SLC35F4: variants seen among roughly 807,000 people sequenced by gnomAD.
SLC35F4 encodes the protein chromosome 14 open reading frame 36.
A neutral mutation model predicts 44.2 loss-of-function variants in SLC35F4; 24 were observed. The ratio of observed to expected loss-of-function variants is 0.54; its 90% CI spans 0.39 to 0.76. The LOEUF is 0.76. Among genes scored for constraint, SLC35F4 ranks in the 30% least tolerant of loss-of-function variants. The pLI is 0.00. For synonymous variants in SLC35F4, 238 were observed against 223.6 expected (o/e 1.06, Z -0.57); for missense variants, 562 against 586.1 (o/e 0.96, Z 0.42).
chr14:57,886,533 T>C lies in SLC35F4; in HGVS notation n.282+95380A>G, dbSNP rs7492327. Among the ~76,000 whole-genome samples the C allele has an allele frequency of 6.2e-3, 942 of 152,326 alleles. 47 individuals carry two copies. Among genetic ancestry groups the C allele is most frequent in the Admixed American group, 0.057 (865 of 15,286 alleles). ...AAAATCATATCCCTATTCTTCTAAATAGCAGGAAAGGCATAGAAAGAAAGA... is the reference window on the plus strand; with the variant it reads ...AAAATCATATCCCTATTCTTCTAAACAGCAGGAAAGGCATAGAAAGAAAGA... On this transcript the variant is annotated intron_variant and non_coding_transcript_variant, in intron 1 of 1. Transcript: ENST00000556568.
intron 1 of SLC35F4, among the ~76,000 whole-genome samples, chr14:57,741,538 G>GA (rs2076608711): frequency 1.3e-5 from 2 of 151,948 alleles, no homozygotes; most frequent in South Asian, 4.2e-4. Flanking sequence ...GAAGTTTAGA[G>GA]AAAAAAGAGT....
At chr14:57,591,666 G>A (rs966354307) in intron 2 of SLC35F4, among the ~76,000 whole-genome samples, 1 of 152,194 alleles carries the variant, frequency 6.6e-6, no homozygotes, top group Non-Finnish European at 1.5e-5. Context: ...ACATGGCTGG[G>A]CCTTCAGCCC....
chr14:57,880,650 A>AAATAAAAC (rs4035381), intron 1 of SLC35F4, among the ~76,000 whole-genome samples: 26,349 of 152,038 alleles, frequency 0.17, 2,528 homozygotes, highest in East Asian at 0.4. Flanking sequence ...TTTCTACATT[A>AAATAAAAC]AATAAAACAT....
chr14:57,922,729 G>A (rs1034932706), intron 1 of SLC35F4, among the ~76,000 whole-genome samples: 2 of 152,094 alleles, frequency 1.3e-5, no homozygotes, highest in East Asian at 3.9e-4. Context: ...CTGGGCAACC[G>A]AGATCTTGAC....
intron 1 of SLC35F4, among the ~76,000 whole-genome samples, chr14:57,594,927 G>A (rs1353536138): frequency 6.6e-6 from 1 of 152,182 alleles, no homozygotes; most frequent in African/African-American, 2.4e-5. Context: ...ATAGGGTGCT[G>A]TGCTGAGAAG....
rs547669083 is a variant in SLC35F4 at position 57,789,463 on chromosome 14, C to CAA, written c.103+76258_103+76259dup. Among the ~76,000 whole-genome samples the CAA allele has an allele frequency of 1.1e-3, 160 of 152,112 alleles. 2 individuals are homozygous for CAA. Among genetic ancestry groups the CAA allele is most frequent in the African/African-American group, 3.5e-3 (147 of 41,538 alleles). Reference sequence around the variant, plus strand: ...TAAACCAGGAAGAAGTCCAATCCCTCAATAGATCAATAACAAGTTCTGAAA... The same window carrying CAA: ...TAAACCAGGAAGAAGTCCAATCCCTCAAAATAGATCAATAACAAGTTCTGAAA... On this transcript the variant is annotated intron_variant, in intron 1 of 7. Coordinates refer to ENST00000556826, the MANE Select transcript of SLC35F4 (RefSeq NM_001306087.2).
rs369500197 is a variant in SLC35F4, at chr14:57,613,779, C to T, written c.104-19655G>A. The stretch of plus-strand genomic sequence containing the variant: ...GGTGACCTGGAAGAGAAAGACAGCT[C>T]TGTCTCCCACTAGGATTGTGCTCTT... On this transcript the variant is annotated intron_variant, in intron 1 of 7. Coordinates refer to ENST00000556826, the MANE Select transcript of SLC35F4 (RefSeq NM_001306087.2). Among the ~76,000 whole-genome samples, 142 of 152,346 alleles carry T rather than the reference C, an allele frequency of 9.3e-4. 2 individuals are homozygous for T. In the South Asian group the frequency reaches 0.028, roughly 30 times the overall value.
At chr14:57,916,940 T>C (rs8016066) in intron 1 of SLC35F4, among the ~76,000 whole-genome samples, 21,253 of 152,274 alleles carry the variant, frequency 0.14, 1,650 homozygotes, top group Middle Eastern at 0.21. Flanking sequence ...AAAGTCATTC[T>C]TCATTTATGT....
At chr14:57,798,775 G>A (rs995352000) in intron 1 of SLC35F4, among the ~76,000 whole-genome samples, 5 of 152,186 alleles carry the variant, frequency 3.3e-5, no homozygotes, top group Non-Finnish European at 5.9e-5. Flanking sequence ...GGAGCCAGCG[G>A]CACGTCCTGC....
chr14:57,641,988 C>A (rs2073264673), intron 1 of SLC35F4, among the ~76,000 whole-genome samples: 1 of 152,008 alleles, frequency 6.6e-6, no homozygotes, highest in African/African-American at 2.4e-5. Flanking sequence ...CAACTCTAAT[C>A]TATAAACACA....
intron 1 of SLC35F4, among the ~76,000 whole-genome samples, chr14:57,885,377 A>C (rs1427087871): frequency 1.3e-5 from 2 of 152,218 alleles, no homozygotes; most frequent in Non-Finnish European, 2.9e-5. Context: ...AGTGTCTGGC[A>C]CAGAATAAGT....
chr14:57,874,705 C>G (rs934913774), intron 1 of SLC35F4, among the ~76,000 whole-genome samples: 2 of 152,126 alleles, frequency 1.3e-5, no homozygotes, highest in Admixed American at 1.3e-4. Context: ...GCAATCAAAT[C>G]AAATCTACTC....
At chr14:57,966,495 T>C (rs1428782703) in intron 1 of SLC35F4, among the ~76,000 whole-genome samples, 1 of 152,206 alleles carries the variant, frequency 6.6e-6, no homozygotes, top group Non-Finnish European at 1.5e-5. Context: ...ACAGTGTTGA[T>C]TTATGCAGTT....
At chr14:57,583,979 CTTA>C (rs1452088495) in intron 3 of SLC35F4, among the ~76,000 whole-genome samples, 1 of 152,062 alleles carries the variant, frequency 6.6e-6, no homozygotes, top group African/African-American at 2.4e-5. Flanking sequence ...TTTAGTTATG[CTTA>C]TTATTAAAAC....
At chr14:57,770,312 C>T (rs7150761) in intron 1 of SLC35F4, among the ~76,000 whole-genome samples, 31,444 of 152,142 alleles carry the variant, frequency 0.21, 3,501 homozygotes, top group East Asian at 0.33. Flanking sequence ...TGTCTATGGT[C>T]TATTTCTGTG....
chr14:57,671,636 A>G (rs747649124), intron 1 of SLC35F4, among the ~76,000 whole-genome samples: 2 of 152,070 alleles, frequency 1.3e-5, no homozygotes, highest in African/African-American at 4.8e-5. Context: ...GCTGACTTCA[A>G]GTGAGACTCA....
intron 1 of SLC35F4, among the ~76,000 whole-genome samples, chr14:57,904,695 A>T (rs967243397): frequency 6.6e-6 from 1 of 152,184 alleles, no homozygotes; most frequent in Non-Finnish European, 1.5e-5. Flanking sequence ...CAGCCCCGCT[A>T]GGTGGATACC....
At chr14:57,838,680 G>A (rs549787716) in intron 1 of SLC35F4, among the ~76,000 whole-genome samples, 11 of 152,188 alleles carry the variant, frequency 7.2e-5, no homozygotes, top group South Asian at 2.1e-4. Flanking sequence ...CAAGTAGCAC[G>A]TGATCAAGTG....
At chr14:57,571,338 A>G (rs1012478827) in intron 5 of SLC35F4, among the ~76,000 whole-genome samples, 1 of 152,218 alleles carries the variant, frequency 6.6e-6, no homozygotes, top group African/African-American at 2.4e-5. Flanking sequence ...GACGTAGAGC[A>G]TCCATCAGAG....
Sources: gnomAD v4.1 joint callset for allele counts (sites outside exome capture counted in the v4.1 genomes callset) on GRCh38, gnomAD v4.1.1 for gene constraint, MANE v1.5 for transcripts, NCBI Gene and HGNC (gene_info 2026-07-23, HGNC 2026-07-21) for gene names.